Variants in AKAP8 observed in about 807,000 individuals in gnomAD.
The protein encoded by AKAP8 is A-kinase anchor protein 8.
AKAP8 carries 24 observed loss-of-function variants against 67.5 expected under a neutral mutation model. That is an observed-to-expected ratio of 0.36 (90% CI 0.26 to 0.50). AKAP8 has a LOEUF of 0.50. Among genes scored for constraint, AKAP8 ranks in the 20% least tolerant of loss-of-function variants. AKAP8 has a pLI of 0.97. For missense variants in AKAP8, 971 were observed against 955.9 expected (o/e 1.02, Z -0.21); for synonymous variants, 400 against 371.1 (o/e 1.08, Z -0.90).
rs1769227400 is a variant in AKAP8 at position 15,376,993 on chromosome 19, C to G, written c.41G>C (p.Gly14Ala). 6.2e-7 allele frequency: 1 copy of G among 1,613,204 alleles called. No homozygotes were observed. Among genetic ancestry groups the G allele is most frequent in the African/African-American group, 1.3e-5 (1 of 74,984 alleles). The change falls in exon 2 of 14, where the codon GGA (glycine) becomes GCA (alanine). Residue 14 changes from glycine (G) to alanine (A), a missense_variant. Gly to Ala is a moderately conservative substitution (Grantham distance 60). This residue lies in a region of AKAP8 where 763 missense variants were observed against 745.4 expected (regional missense o/e 1.02). Transcript: ENST00000269701. ...CCACTTACCCTGGGTGTTGGCAGGT[C>G]CAGCACTCCACGCCCCGTAGCCTGC... ...GYGGYGAWSA[G>A]PANTQGAYGT...
In AKAP8 at chr19:15,363,216, G is replaced by A. The variant is rs554470412; in HGVS notation, c.1161-965C>T. ...TCTCCGCCCGGCAGCCACCTTGTCC[G>A]GGAGGGAGGTGGGGGGATCAGCCCC... On this transcript the variant is annotated intron_variant, in intron 9 of 13. Transcript: ENST00000269701. 5.3e-3 allele frequency among the ~76,000 whole-genome samples: 804 copies of A among 151,272 alleles called. 7 individuals carry two copies. Among genetic ancestry groups the A allele is most frequent in the African/African-American group, 0.018 (760 of 41,118 alleles).
chr19:15,368,784 G>A lies in AKAP8; in HGVS notation c.1073-462C>T, dbSNP rs922107369. 16 of 985,218 alleles carry A rather than the reference G, an allele frequency of 1.6e-5. 1 individual carries two copies. Among genetic ancestry groups the A allele is most frequent in the South Asian group, 4.7e-5 (1 of 21,288 alleles). 61.0% of individuals were successfully genotyped at this position (985,218 alleles called of 1,614,324 possible). Reference sequence around the variant, plus strand: ...CACCTCTAGGTGGACTGTGACGAGCGTCCTGGCGGCCCCGTCTGAACTAGG... The same window carrying A: ...CACCTCTAGGTGGACTGTGACGAGCATCCTGGCGGCCCCGTCTGAACTAGG... On this transcript the variant is annotated intron_variant, in intron 8 of 13. Transcript: ENST00000269701.
intron 7 of AKAP8, among the ~76,000 whole-genome samples, chr19:15,371,071 A>C (rs1204552009): frequency 1.3e-5 from 2 of 152,206 alleles, no homozygotes; most frequent in African/African-American, 4.8e-5. Flanking sequence ...TAATCTCAAG[A>C]CCAGCAAAAT....
intron 7 of AKAP8, among the ~76,000 whole-genome samples, chr19:15,371,183 T>A (rs904253664): frequency 6.6e-6 from 1 of 152,204 alleles, no homozygotes; most frequent in Non-Finnish European, 1.5e-5. Flanking sequence ...CTTCCCACTC[T>A]GGACCTCCAG....
intron 7 of AKAP8, 65 bp from the exon 8 acceptor site, chr19:15,370,244 C>T: frequency 6.3e-7 from 1 of 1,587,830 alleles, no homozygotes; most frequent in Non-Finnish European, 8.6e-7. Context: ...ACAACCAGCC[C>T]AGTCCCTGGC....
intron 9 of AKAP8, among the ~76,000 whole-genome samples, chr19:15,363,375 C>A (rs1460759029): frequency 1.3e-5 from 2 of 149,182 alleles, no homozygotes; most frequent in Non-Finnish European, 3.0e-5. Context: ...AGCCCCCCGC[C>A]CGGCCAGCCG....
chr19:15,368,696 G>A (rs779932592), intron 8 of AKAP8: 488 of 985,152 alleles, frequency 5.0e-4, no homozygotes, highest in Non-Finnish European at 5.8e-4. Flanking sequence ...AATTCTCCCC[G>A]GATGAAGAGG....
At chr19:15,378,003 A>C (rs1457983738) in intron 1 of AKAP8, among the ~76,000 whole-genome samples, 2 of 152,154 alleles carry the variant, frequency 1.3e-5, no homozygotes, top group Non-Finnish European at 2.9e-5. Context: ...AAATGACTTC[A>C]CTTTGATGAG....
At chr19:15,363,990 T>C (rs1241695124) in intron 9 of AKAP8, among the ~76,000 whole-genome samples, 2 of 150,658 alleles carry the variant, frequency 1.3e-5, no homozygotes, top group Middle Eastern at 3.4e-3. Flanking sequence ...CTCCCTAATC[T>C]CAAGTACCCA....
chr19:15,373,115 G>A lies in AKAP8; in HGVS notation c.597C>T (p.Ser199=), dbSNP rs202180761. 6.2e-7 allele frequency: 1 copy of A among 1,612,636 alleles called. No individual in the cohort carries two copies. The highest frequency in any genetic ancestry group is 2.2e-5 in the East Asian group (1 of 44,866). ...GRGQGRFQDR[S]NPGTFMRSDP... is the part of the protein sequence containing the mutation. ...CGCTGCGCATGAAGGTGCCAGGGTT[G>A]CTCCGGTCCTGGAAGCGGCCCTGGC... Residue 199 remains serine, a synonymous_variant, in exon 5 of 14, where the codon AGC becomes AGT. Transcript: ENST00000269701.
chr19:15,368,952 T>TC, intron 8 of AKAP8: 1 of 985,464 alleles, frequency 1.0e-6, no homozygotes, highest in Non-Finnish European at 1.2e-6. Context: ...CTCCCGTCCG[T>TC]CCCCCGGGGC....
In AKAP8 at chr19:15,370,093, G is replaced by T; in HGVS notation, c.1072+53C>A. 3.1e-6 allele frequency: 5 copies of T among 1,608,594 alleles called. 1 individual carries two copies. In the South Asian group the frequency reaches 5.5e-5, roughly 18 times the overall value. On this transcript the variant is annotated intron_variant, in intron 8 of 13. Transcript: ENST00000269701. ...CTTGCTCAGAAGCTGGGCAGTAAGT[G>T]CGGGGCAGCTGGGAAGACACAGGAA...
Position 15,370,129 on chromosome 19 carries a change from G to A in AKAP8, c.1072+17C>T. 2 of 1,614,096 alleles carry A rather than the reference G, an allele frequency of 1.2e-6. No homozygotes were observed. Among genetic ancestry groups the A allele is most frequent in the Non-Finnish European group, 1.7e-6 (2 of 1,179,972 alleles). On this transcript the variant is annotated intron_variant, in intron 8 of 13. Transcript: ENST00000269701. ...GGGAAGACACAGGAAAGCTGCAAGGGACACGGTGATGCCTACCTCTTTGCC... is the reference window on the plus strand; with the variant it reads ...GGGAAGACACAGGAAAGCTGCAAGGAACACGGTGATGCCTACCTCTTTGCC...
intron 12 of AKAP8, 85 bp downstream of exon 12, chr19:15,360,763 T>G: frequency 6.8e-7 from 1 of 1,475,684 alleles, no homozygotes; most frequent in Non-Finnish European, 9.1e-7. Context: ...CCCCTAAAGA[T>G]GTTGTTATTC....
Position 15,354,562 on chromosome 19 carries a change from A to T in AKAP8, c.*353T>A, listed in dbSNP as rs993433684. ...TGTTCCCAACCAAATAAAAAAAAAA[A>T]TTAAGGAAAAAAATAAAAAAGGAAG... On this transcript the variant is annotated 3_prime_UTR_variant, in exon 14 of 14. Transcript: ENST00000269701. The T allele has an allele frequency of 1.2e-4, 30 of 243,184 alleles. No homozygotes were observed. Among genetic ancestry groups the T allele is most frequent in the Admixed American group, 3.5e-4 (7 of 20,060 alleles). 15.1% of individuals were successfully genotyped at this position (243,184 alleles called of 1,614,324 possible).
At position 15,369,208 on chromosome 19, in the gene AKAP8, C is replaced by T. The variant is rs537489276; in HGVS notation, c.1073-886G>A. ...CTGCTGTTTAATAGCAAAGTCATCCCGGGTAGGTAGCAGGACCTGCGCGCA... is the reference window on the plus strand; with the variant it reads ...CTGCTGTTTAATAGCAAAGTCATCCTGGGTAGGTAGCAGGACCTGCGCGCA... On this transcript the variant is annotated intron_variant, in intron 8 of 13. Coordinates refer to ENST00000269701, the MANE Select transcript of AKAP8 (RefSeq NM_005858.4). The surrounding 1 kb of genome is among the most constrained non-coding windows in gnomAD (Gnocchi z 4.6). 5 of 985,494 alleles carry T rather than the reference C, an allele frequency of 5.1e-6. No homozygotes were observed. Among genetic ancestry groups the T allele is most frequent in the East Asian group, 2.3e-4 (2 of 8,800 alleles). 61.0% of individuals were successfully genotyped at this position (985,494 alleles called of 1,614,324 possible). A position where few individuals can be genotyped will look rare whatever the true frequency, so the allele number is the denominator to read the frequency against.
At chr19:15,355,410 G>T (rs377642478) in intron 13 of AKAP8, 40 bp from the exon 14 acceptor site, 2 of 1,556,162 alleles carry the variant, frequency 1.3e-6, no homozygotes, top group Admixed American at 1.8e-5. Context: ...GGTGTAAGCA[G>T]AGCTCAGGAG....
intron 13 of AKAP8, among the ~76,000 whole-genome samples, chr19:15,358,422 G>A (rs979971426): frequency 2.0e-5 from 3 of 151,480 alleles, no homozygotes; most frequent in East Asian, 1.9e-4. Flanking sequence ...TGGCGCAATC[G>A]TTAACTCCTC....
rs913663928 is a variant in AKAP8 at position 15,369,627 on chromosome 19, G to A, written c.1072+519C>T. 6.6e-6 allele frequency among the ~76,000 whole-genome samples: 1 copy of A among 152,212 alleles called. No individual in the cohort carries two copies. The highest frequency in any genetic ancestry group is 2.4e-5 in the African/African-American group (1 of 41,462). On this transcript the variant is annotated intron_variant, in intron 8 of 13. Transcript: ENST00000269701. The surrounding 1 kb of genome is among the most constrained non-coding windows in gnomAD (Gnocchi z 4.6). ...CGCCCGCCTCTCAAAGACCCAGTGG[G>A]CCTGGGTGCTCCCGACCCCGCAGGT...
Sources: allele counts gnomAD v4.1 joint callset (sites outside exome capture counted in the v4.1 genomes callset), GRCh38; gene constraint gnomAD v4.1.1; regional missense constraint gnomAD v4.1.1; non-coding constraint Gnocchi (gnomAD v3.1); transcripts MANE v1.5; gene names NCBI Gene and HGNC (gene_info 2026-07-23, HGNC 2026-07-21).